The following FMNL2 variants were observed in gnomAD, a reference collection of about 807,000 sequenced individuals.
The protein encoded by FMNL2 is formin like 2.
FMNL2 carries 51 observed loss-of-function variants against 130.2 expected under a neutral mutation model. That is an observed-to-expected ratio of 0.39 (90% CI 0.31 to 0.49). FMNL2 has a LOEUF of 0.49. Ranked by LOEUF, FMNL2 falls within the 20% of genes least tolerant of loss-of-function variation. The pLI, the probability that FMNL2 is intolerant of heterozygous loss-of-function variation, is 0.85. For missense variants in FMNL2, 977 were observed against 1,316.2 expected (o/e 0.74, Z 3.99); for synonymous variants, 465 against 467.1 (o/e 1.00, Z 0.06).
At chr2:152,647,449 G>C (rs978453142) in intron 25 of FMNL2, among the ~76,000 whole-genome samples, 2 of 152,112 alleles carry the variant, frequency 1.3e-5, no homozygotes, top group East Asian at 1.9e-4. Context: ...ATTCATTCAG[G>C]CTTCCAGAAT....
intron 2 of FMNL2, among the ~76,000 whole-genome samples, chr2:152,542,286 A>G (rs1007743964): frequency 1.1e-4 from 16 of 152,174 alleles, no homozygotes; most frequent in Non-Finnish European, 2.1e-4. Context: ...ATCTTTTGTT[A>G]TTTTCAAAGA....
intron 1 of FMNL2, among the ~76,000 whole-genome samples, chr2:152,509,159 A>G (rs931431987): frequency 6.6e-6 from 1 of 152,216 alleles, no homozygotes; most frequent in African/African-American, 2.4e-5. Flanking sequence ...CTCAAATGAC[A>G]TGGATTTTAT....
intron 1 of FMNL2, among the ~76,000 whole-genome samples, chr2:152,420,849 A>G (rs1686871800): frequency 6.6e-6 from 1 of 152,094 alleles, no homozygotes; most frequent in South Asian, 2.1e-4. Context: ...ACTGAGTTCC[A>G]CTCTGAATCC....
At chr2:152,437,703 C>CCATG (rs1687839465) in intron 1 of FMNL2, among the ~76,000 whole-genome samples, 1 of 152,102 alleles carries the variant, frequency 6.6e-6, no homozygotes, top group African/African-American at 2.4e-5. Context: ...GGCTAGGATA[C>CCATG]CATGGTACCT....
At chr2:152,414,672 C>A (rs1296857449) in intron 1 of FMNL2, among the ~76,000 whole-genome samples, 1 of 152,122 alleles carries the variant, frequency 6.6e-6, no homozygotes, top group Admixed American at 6.5e-5. Flanking sequence ...GAGTTCGAGG[C>A]CATTTTAGCT....
intron 1 of FMNL2, among the ~76,000 whole-genome samples, chr2:152,382,961 A>C (rs1684561910): frequency 1.3e-5 from 2 of 152,234 alleles, no homozygotes; most frequent in Admixed American, 6.5e-5. Context: ...AACATAGGGC[A>C]ATGCATTACC....
intron 1 of FMNL2, among the ~76,000 whole-genome samples, chr2:152,403,765 A>G (rs903391151): frequency 1.3e-5 from 2 of 152,200 alleles, no homozygotes; most frequent in Admixed American, 1.3e-4. Flanking sequence ...TTTAGCTAAC[A>G]GAATTATAAG....
intron 1 of FMNL2, among the ~76,000 whole-genome samples, chr2:152,445,117 A>G (rs906653718): frequency 9.2e-5 from 14 of 152,230 alleles, no homozygotes; most frequent in African/African-American, 3.4e-4. Context: ...TGCTGATACT[A>G]TTGATCCTGA....
chr2:152,635,538 T>C (rs6714218), intron 21 of FMNL2, among the ~76,000 whole-genome samples: 129,628 of 152,270 alleles, frequency 0.85, 55,789 homozygotes, highest in Non-Finnish European at 0.91. Context: ...TAAAATGATG[T>C]ATAACATAAC....
chr2:152,423,652 C>G (rs1687030265), intron 1 of FMNL2, among the ~76,000 whole-genome samples: 1 of 152,176 alleles, frequency 6.6e-6, no homozygotes, highest in Non-Finnish European at 1.5e-5. Context: ...ATTCCTCTGT[C>G]CATTTACCCT....
At chr2:152,551,767 G>A (rs1694948976) in intron 4 of FMNL2, among the ~76,000 whole-genome samples, 1 of 152,204 alleles carries the variant, frequency 6.6e-6, no homozygotes, top group African/African-American at 2.4e-5. Context: ...TGTATTCCCA[G>A]TACTTTGGGA....
intron 1 of FMNL2, among the ~76,000 whole-genome samples, chr2:152,388,600 A>G (rs1369526541): frequency 5.9e-5 from 9 of 152,162 alleles, no homozygotes; most frequent in African/African-American, 1.9e-4. Context: ...GTGGGGACAC[A>G]GCCAAACCAT....
At chr2:152,357,874 G>A (rs1209013113) in intron 1 of FMNL2, among the ~76,000 whole-genome samples, 1 of 152,188 alleles carries the variant, frequency 6.6e-6, no homozygotes, top group Admixed American at 6.5e-5. Context: ...AACTGTGATG[G>A]TTAATATCGA....
intron 1 of FMNL2, among the ~76,000 whole-genome samples, chr2:152,419,543 G>A (rs1204181732): frequency 6.6e-6 from 1 of 152,162 alleles, no homozygotes; most frequent in Non-Finnish European, 1.5e-5. Flanking sequence ...CAGGGGCTGG[G>A]GGAAATGGTA....
At position 152,379,307 on chromosome 2, in the gene FMNL2, A is replaced by G. The variant is rs761107865; in HGVS notation, c.117+43587A>G. On this transcript the variant is annotated intron_variant, in intron 1 of 25. Transcript: ENST00000288670. The stretch of plus-strand genomic sequence containing the variant: ...GTGTTGGTTTATTGGCCACCTCATC[A>G]TGAGTGCTTCTACTTCGTTAGTGAC... Among the ~76,000 whole-genome samples the G allele has an allele frequency of 5.5e-4, 84 of 152,204 alleles. 1 individual carries two copies. Among genetic ancestry groups the G allele is most frequent in the Admixed American group, 7.9e-4 (12 of 15,278 alleles).
intron 15 of FMNL2, among the ~76,000 whole-genome samples, chr2:152,623,429 A>G (rs547496512): frequency 6.6e-6 from 1 of 152,240 alleles, no homozygotes; most frequent in East Asian, 1.9e-4. Context: ...CAAAGGTGTC[A>G]TGTTTGGTGG....
chr2:152,495,157 A>G (rs937429020), intron 1 of FMNL2, among the ~76,000 whole-genome samples: 16 of 152,172 alleles, frequency 1.1e-4, no homozygotes, highest in African/African-American at 2.7e-4. Context: ...TGGCAGTTCA[A>G]TGGTCTTTTA....
At chr2:152,425,124 T>C (rs1478539545) in intron 1 of FMNL2, among the ~76,000 whole-genome samples, 3 of 152,216 alleles carry the variant, frequency 2.0e-5, no homozygotes, top group Non-Finnish European at 2.9e-5. Context: ...AATGGTCAAG[T>C]CAGTTTTCCA....
In FMNL2 at chr2:152,364,293, A is replaced by T. The variant is rs1266212065; in HGVS notation, c.117+28573A>T. ...TTTTTTTTTTTTTTTTTTTTTTTTT[A>T]CCAGATCCTTAGATATTAAGGTTAA... is the stretch of plus-strand genomic sequence containing the variant. On this transcript the variant is annotated intron_variant, in intron 1 of 25. Coordinates refer to ENST00000288670, the MANE Select transcript of FMNL2 (RefSeq NM_052905.4). Among the ~76,000 whole-genome samples, 14 of 65,550 alleles carry T rather than the reference A, an allele frequency of 2.1e-4. No homozygotes were observed. The East Asian group carries it at 4.9e-3, about 23-fold the overall frequency. 43.0% of individuals were successfully genotyped at this position (65,550 alleles called of 152,430 possible).
Sources: allele counts gnomAD v4.1 joint callset (sites outside exome capture counted in the v4.1 genomes callset), GRCh38; gene constraint gnomAD v4.1.1; transcripts MANE v1.5; gene names NCBI Gene and HGNC (gene_info 2026-07-23, HGNC 2026-07-21).